The following GALNT1 variants were observed in gnomAD, a reference collection of about 807,000 sequenced individuals.
The protein encoded by GALNT1 is polypeptide N-acetylgalactosaminyltransferase 1, also known as GalNAc transferase 1.
A neutral mutation model predicts 65.7 loss-of-function variants in GALNT1; 17 were observed. The ratio of observed to expected loss-of-function variants is 0.26; its 90% CI spans 0.18 to 0.39. The LOEUF is 0.39. Among genes scored for constraint, GALNT1 ranks in the 10% least tolerant of loss-of-function variants. GALNT1 has a pLI of 1.00. For missense variants in GALNT1, 460 were observed against 672.8 expected (o/e 0.68, Z 3.50); for synonymous variants, 210 against 219.7 (o/e 0.96, Z 0.39).
At chr18:35,658,314 A>C (rs1327245186) in intron 2 of GALNT1, among the ~76,000 whole-genome samples, 2 of 152,164 alleles carry the variant, frequency 1.3e-5, no homozygotes, top group Non-Finnish European at 2.9e-5. Context: ...TGGGGGTGTC[A>C]GGGTGTTCAG....
intron 9 of GALNT1, among the ~76,000 whole-genome samples, chr18:35,701,126 C>T (rs1023178032): frequency 1.1e-4 from 16 of 151,818 alleles, no homozygotes; most frequent in Middle Eastern, 3.4e-3. Flanking sequence ...AGTTGAAGTG[C>T]AGTGGCACAA....
chr18:35,677,538 T>C (rs912059928), intron 3 of GALNT1, 53 bp from the exon 4 acceptor site: 2 of 1,443,222 alleles, frequency 1.4e-6, no homozygotes, highest in Non-Finnish European at 9.5e-7. Flanking sequence ...CAGATTCCTT[T>C]ATTATGCAAT....
chr18:35,702,975 C>T lies in GALNT1; in HGVS notation c.1378C>T (p.His460Tyr). The T allele has an allele frequency of 6.2e-7, 1 of 1,606,600 alleles. No individual in the cohort carries two copies. The change falls in exon 10 of 12, where the codon CAT becomes TAT. Residue 460 changes from histidine to tyrosine, a missense_variant. Coordinates refer to ENST00000269195, the MANE Select transcript of GALNT1 (RefSeq NM_020474.4). ...TGAAAAAGTTGGAATTTTTAATTGC[C>T]ATGGTATGGGGGGTAATCAGGTGAG... ...ENEKVGIFNC[H>Y]GMGGNQVFSY...
chr18:35,695,166 T>C (rs537264222), intron 9 of GALNT1, among the ~76,000 whole-genome samples: 3 of 152,234 alleles, frequency 2.0e-5, no homozygotes, highest in Non-Finnish European at 4.4e-5. Flanking sequence ...TTTTATGTTA[T>C]GTGTTTCTGC....
chr18:35,678,170 G>A (rs939955930), intron 4 of GALNT1, among the ~76,000 whole-genome samples: 1 of 152,112 alleles, frequency 6.6e-6, no homozygotes, highest in African/African-American at 2.4e-5. Context: ...ATCTCTGACA[G>A]CAAAATGGAG....
At chr18:35,671,305 C>T (rs559192634) in intron 3 of GALNT1, among the ~76,000 whole-genome samples, 6 of 152,184 alleles carry the variant, frequency 3.9e-5, no homozygotes, top group African/African-American at 7.2e-5. Context: ...CAGCCTCAAC[C>T]TCCTGGGCTC....
chr18:35,599,911 C>G (rs1465696537), intron 1 of GALNT1, among the ~76,000 whole-genome samples: 1 of 152,130 alleles, frequency 6.6e-6, no homozygotes. Flanking sequence ...TAGTATCATG[C>G]TGTTTTGGTT....
At chr18:35,594,436 G>A (rs1434406952) in intron 1 of GALNT1, among the ~76,000 whole-genome samples, 1 of 151,768 alleles carries the variant, frequency 6.6e-6, no homozygotes, top group Non-Finnish European at 1.5e-5. Flanking sequence ...GGTGAGAGAG[G>A]GGGTCCAGGA....
chr18:35,691,856 A>G (rs1354120362), intron 8 of GALNT1, among the ~76,000 whole-genome samples: 1 of 152,228 alleles, frequency 6.6e-6, no homozygotes, highest in Non-Finnish European at 1.5e-5. Context: ...GCCTGACTGC[A>G]AACAATTGCT....
At chr18:35,703,841 T>C (rs1156365941) in intron 11 of GALNT1, among the ~76,000 whole-genome samples, 198 bp downstream of exon 11, 1 of 152,218 alleles carries the variant, frequency 6.6e-6, no homozygotes, top group Non-Finnish European at 1.5e-5. Context: ...TTTAGTCTTA[T>C]AAAATCACAG....
intron 3 of GALNT1, among the ~76,000 whole-genome samples, chr18:35,675,150 C>A (rs1341754721): frequency 6.6e-6 from 1 of 152,156 alleles, no homozygotes; most frequent in Non-Finnish European, 1.5e-5. Flanking sequence ...CTTCAAACCC[C>A]AAAACACAAA....
intron 9 of GALNT1, among the ~76,000 whole-genome samples, chr18:35,701,502 C>T (rs2048163517): frequency 6.6e-6 from 1 of 152,116 alleles, no homozygotes; most frequent in Non-Finnish European, 1.5e-5. Flanking sequence ...CAACCTAACA[C>T]AACCTATTTA....
intron 1 of GALNT1, among the ~76,000 whole-genome samples, chr18:35,631,339 A>G (rs1313721896): frequency 2.0e-5 from 3 of 152,186 alleles, no homozygotes; most frequent in African/African-American, 7.2e-5. Flanking sequence ...CCAGCAGCAC[A>G]TCAAAAAGCT....
intron 1 of GALNT1, among the ~76,000 whole-genome samples, chr18:35,624,572 T>C (rs1165846000): frequency 1.3e-5 from 2 of 152,216 alleles, no homozygotes; most frequent in African/African-American, 4.8e-5. Flanking sequence ...TATTGGGATT[T>C]ATTTCTACCA....
chr18:35,687,291 A>C (rs2047883624), intron 6 of GALNT1, 105 bp downstream of exon 6: 1 of 1,057,290 alleles, frequency 9.5e-7, no homozygotes, highest in Non-Finnish European at 1.4e-6. Flanking sequence ...AACGTGAAGC[A>C]TTCGTATACC....
chr18:35,679,056 A>G (rs549605325), intron 4 of GALNT1, among the ~76,000 whole-genome samples: 166 of 152,344 alleles, frequency 1.1e-3, no homozygotes, highest in African/African-American at 3.5e-3. Context: ...ACATTATATA[A>G]TTACATGTCA....
intron 8 of GALNT1, 159 bp downstream of exon 8, chr18:35,691,351 A>G (rs1395915667): frequency 3.9e-6 from 2 of 506,730 alleles, no homozygotes; most frequent in African/African-American, 1.9e-5. Flanking sequence ...CAGTATAGAA[A>G]GTGCTTGGCA....
chr18:35,630,364 CA>C (rs778844492), intron 1 of GALNT1, among the ~76,000 whole-genome samples: 1 of 152,206 alleles, frequency 6.6e-6, no homozygotes, highest in Non-Finnish European at 1.5e-5. Context: ...TCTCAGACCA[CA>C]GTGCAACCAA....
At chr18:35,632,437 C>G (rs1330087005) in intron 1 of GALNT1, among the ~76,000 whole-genome samples, 1 of 152,144 alleles carries the variant, frequency 6.6e-6, no homozygotes, top group Admixed American at 6.5e-5. Flanking sequence ...CTGACAAAAA[C>G]AAGAAATGGG....
Sources: gnomAD v4.1 joint callset for allele counts (sites outside exome capture counted in the v4.1 genomes callset) on GRCh38, gnomAD v4.1.1 for gene constraint, MANE v1.5 for transcripts, NCBI Gene and HGNC (gene_info 2026-07-23, HGNC 2026-07-21) for gene names.